PCDHGB4: variants seen among roughly 807,000 people sequenced by gnomAD.
PCDHGB4 encodes the protein protocadherin gamma subfamily B, 4, also known as protocadherin gamma-B4.
In PCDHGB4, 38 loss-of-function variants were observed where a neutral mutation model predicts 60.5. The ratio of observed to expected loss-of-function variants is 0.63; its 90% CI spans 0.48 to 0.82. The LOEUF (loss-of-function observed/expected upper bound fraction) is 0.82, where lower values mean the gene tolerates loss of function less well. Ranked by LOEUF, PCDHGB4 falls within the 40% of genes least tolerant of loss-of-function variation. The pLI, the probability that PCDHGB4 is intolerant of heterozygous loss-of-function variation, is 0.00. For synonymous variants in PCDHGB4, 456 were observed against 509.7 expected, an observed-to-expected ratio of 0.89 and a Z score of 1.42; for missense variants, 1,109 against 1,209.6, an observed-to-expected ratio of 0.92 and a Z score of 1.23.
intron 2 of PCDHGB4, among the ~76,000 whole-genome samples, chr5:141,503,940 C>G (rs890249753): frequency 6.6e-6 from 1 of 152,218 alleles, no homozygotes; most frequent in Non-Finnish European, 1.5e-5. Flanking sequence ...TTCATGCCTT[C>G]AAGGCCTACC....
rs765754054 is a variant in PCDHGB4 at position 141,503,598 on chromosome 5, CA to C, written c.2457-1779del. Among the ~76,000 whole-genome samples, 277 of 65,728 alleles carry C rather than the reference CA, an allele frequency of 4.2e-3. 2 individuals are homozygous for C. The highest frequency in any genetic ancestry group is 0.012 in the Middle Eastern group (1 of 86). The allele number at this position is 65,728 out of a possible 152,430, so 43.1% of individuals were successfully genotyped here. A position where few individuals can be genotyped will look rare whatever the true frequency, so the allele number is the denominator to read the frequency against. ...TGGGTGACAGAGCGAGACTCCAGCT[CA>C]AAAAAAAAAAAAAAAGAAAAAAGAA... On this transcript the variant is annotated intron_variant, in intron 2 of 3. Coordinates refer to ENST00000519479, the MANE Select transcript of PCDHGB4 (RefSeq NM_003736.4).
intron 1 of PCDHGB4, chr5:141,413,527 G>A (rs768496934): frequency 1.2e-6 from 2 of 1,613,938 alleles, no homozygotes; most frequent in Non-Finnish European, 1.7e-6. Flanking sequence ...GGAAGACAGG[G>A]TGAAACTTTT....
In PCDHGB4 at chr5:141,477,018, C is replaced by T. The variant is rs2099403540; in HGVS notation, c.2398-17789C>T. The T allele has an allele frequency of 3.1e-6, 5 of 1,614,262 alleles. No homozygotes were observed. Among genetic ancestry groups the T allele is most frequent in the Non-Finnish European group, 4.2e-6 (5 of 1,180,048 alleles). ...CAACTATTCGCCTTAGACCTTGTAA[C>T]CGGGATGCTGACAATCAAGGGTCGG... On this transcript the variant is annotated intron_variant, in intron 1 of 3. Coordinates refer to ENST00000519479, the MANE Select transcript of PCDHGB4 (RefSeq NM_003736.4). The surrounding 1 kb of genome is among the most constrained non-coding windows in gnomAD (Gnocchi z 4.9).
Position 141,491,711 on chromosome 5 carries a change from C to A in PCDHGB4, c.2398-3096C>A, listed in dbSNP as rs528931820. ...CGGGAGCGGAGCCAGGTGAGGGGCT[C>A]GGCGCCGCCCCGGGCGACCCCTGGG... On this transcript the variant is annotated intron_variant, in intron 1 of 3. Coordinates refer to ENST00000519479, the MANE Select transcript of PCDHGB4 (RefSeq NM_003736.4). The surrounding 1 kb of genome is among the most constrained non-coding windows in gnomAD (Gnocchi z 6.9). 1.3e-4 allele frequency: 217 copies of A among 1,609,356 alleles called. 3 individuals are homozygous for A. In the South Asian group the frequency reaches 2.2e-3, roughly 17 times the overall value.
chr5:141,472,263 C>T (rs978647191), intron 1 of PCDHGB4, among the ~76,000 whole-genome samples: 7 of 152,144 alleles, frequency 4.6e-5, no homozygotes, highest in South Asian at 2.1e-4. Flanking sequence ...ATATTATAGC[C>T]GGGCACAGTG....
intron 1 of PCDHGB4, chr5:141,409,623 T>G: frequency 6.2e-7 from 1 of 1,613,854 alleles, no homozygotes; most frequent in Non-Finnish European, 8.5e-7. Context: ...ATTGCGCAAG[T>G]GAGCGCCTCT....
chr5:141,511,358 G>T lies in PCDHGB4; in HGVS notation c.*185G>T, dbSNP rs905197337. 1.5e-6 allele frequency: 2 copies of T among 1,355,398 alleles called. No homozygotes were observed. Among genetic ancestry groups the T allele is most frequent in the East Asian group, 2.5e-5 (1 of 39,588 alleles). The allele number at this position is 1,355,398 out of a possible 1,614,324, so 84.0% of individuals were successfully genotyped here. ...GCACCTACCCCTTCCCCCCCAGGGGGTTGAATATGCAAAAGCAGTTCCGCT... is the reference window on the plus strand; with the variant it reads ...GCACCTACCCCTTCCCCCCCAGGGGTTTGAATATGCAAAAGCAGTTCCGCT... On this transcript the variant is annotated 3_prime_UTR_variant, in exon 4 of 4. Coordinates refer to ENST00000519479, the MANE Select transcript of PCDHGB4 (RefSeq NM_003736.4).
chr5:141,398,237 T>G, intron 1 of PCDHGB4: 1 of 1,479,534 alleles, frequency 6.8e-7, no homozygotes, highest in Non-Finnish European at 9.2e-7. Context: ...CGCTACAGGA[T>G]TCCCGAGGAA....
At chr5:141,480,205 A>G (rs2099514310) in intron 1 of PCDHGB4, among the ~76,000 whole-genome samples, 1 of 151,108 alleles carries the variant, frequency 6.6e-6, no homozygotes, top group Admixed American at 6.6e-5. Flanking sequence ...GCAGTTCAAG[A>G]CCAGCCTGAG....
At chr5:141,394,545 G>A in intron 1 of PCDHGB4, 1 of 1,614,164 alleles carries the variant, frequency 6.2e-7, no homozygotes, top group South Asian at 1.1e-5. Flanking sequence ...CGTGGAGCTG[G>A]CGCCCCGCTC....
intron 1 of PCDHGB4, among the ~76,000 whole-genome samples, chr5:141,438,629 TATATATAC>T (rs1474630940): frequency 0.043 from 2,039 of 47,824 alleles, 19 homozygotes; most frequent in South Asian, 0.061. Flanking sequence ...TATATATATA[TATATATAC>T]ACACACACAC....
intron 2 of PCDHGB4, among the ~76,000 whole-genome samples, chr5:141,504,997 AC>A (rs554150488): frequency 9.9e-5 from 15 of 152,238 alleles, no homozygotes; most frequent in African/African-American, 2.9e-4. Flanking sequence ...CCCCGTCTGT[AC>A]TAAAAATACA....
chr5:141,425,962 C>T (rs2096906059), intron 1 of PCDHGB4, among the ~76,000 whole-genome samples: 2 of 152,236 alleles, frequency 1.3e-5, no homozygotes, highest in African/African-American at 2.4e-5. Flanking sequence ...TAGTCCAACA[C>T]ATCAGTCTAA....
chr5:141,438,037 G>A (rs2097925203), intron 1 of PCDHGB4, among the ~76,000 whole-genome samples: 1 of 151,910 alleles, frequency 6.6e-6, no homozygotes, highest in African/African-American at 2.4e-5. Flanking sequence ...CACCATGCCC[G>A]ACCACTTTGA....
chr5:141,388,387 A>G lies in PCDHGB4; in HGVS notation c.503A>G (p.Gln168Arg), dbSNP rs746929136. Residue 168 changes from glutamine to arginine, a missense_variant, in exon 1 of 4, where the codon CAG becomes CGG. Physicochemically the swap from Gln to Arg is conservative, Grantham distance 43. Around this residue, in one of 2 missense-constraint regions of PCDHGB4, gnomAD observed 1,068 missense variants for 1,089.9 expected, o/e 0.98. Transcript: ENST00000519479. ...GCGGATATTGGTAGCAACACACTGC[A>G]GAATTACCAACTCAGTCCCAGTGAT... ...HDADIGSNTL[Q>R]NYQLSPSDHF... is the part of the protein sequence containing the mutation. 3.1e-6 allele frequency: 5 copies of G among 1,614,034 alleles called. No individual in the cohort carries two copies. The highest frequency in any genetic ancestry group is 2.2e-5 in the South Asian group (2 of 91,080).
At chr5:141,475,955 C>G (rs1562050812) in intron 1 of PCDHGB4, 8 of 800,218 alleles carry the variant, frequency 1.0e-5, no homozygotes, top group South Asian at 1.9e-5. Flanking sequence ...TTCTGCGCCC[C>G]GGGATGAGGC....
chr5:141,432,139 TATCCCAGAGAACA>T lies in PCDHGB4; in HGVS notation c.2397+41868_2397+41880del, dbSNP rs745506362. On this transcript the variant is annotated intron_variant, in intron 1 of 3. Transcript: ENST00000519479. The surrounding 1 kb of genome is among the most constrained non-coding windows in gnomAD (Gnocchi z 6.0). ...TCCCTCAGGCCTCCTATTCCGCTTA[TATCCCAGAGAACA>T]ATCCCAGAGGAGTTTCCCTCGTCTC... 1.1e-5 allele frequency: 17 copies of T among 1,613,976 alleles called. No individual in the cohort carries two copies. The highest frequency in any genetic ancestry group is 1.3e-5 in the African/African-American group (1 of 74,892).
At chr5:141,410,418 T>C (rs2095390746) in intron 1 of PCDHGB4, 26 of 1,614,052 alleles carry the variant, frequency 1.6e-5, no homozygotes, top group Non-Finnish European at 2.2e-5. Context: ...GGACCTGTAG[T>C]TCCCCCCAAC....
chr5:141,394,850 G>C, intron 1 of PCDHGB4: 1 of 1,613,820 alleles, frequency 6.2e-7, no homozygotes, highest in Non-Finnish European at 8.5e-7. Flanking sequence ...GCAGTCTGAA[G>C]CCTTCGGTCG....
Sources: gnomAD v4.1 joint callset for allele counts (sites outside exome capture counted in the v4.1 genomes callset) on GRCh38, gnomAD v4.1.1 for gene constraint, gnomAD v4.1.1 regional missense constraint, Gnocchi (gnomAD v3.1) non-coding constraint, MANE v1.5 for transcripts, NCBI Gene and HGNC (gene_info 2026-07-23, HGNC 2026-07-21) for gene names.